AFF2: variants seen among roughly 807,000 people sequenced by gnomAD.
AFF2 encodes AF4/FMR2 family member 2.
Under a neutral mutation model 76.9 loss-of-function variants are expected in AFF2, and 14 were observed. The ratio of observed to expected loss-of-function variants is 0.18; its 90% CI spans 0.12 to 0.28. AFF2 has a LOEUF of 0.28. Among genes scored for constraint, AFF2 ranks in the 10% least tolerant of loss-of-function variants. The pLI, the probability that AFF2 is intolerant of heterozygous loss-of-function variation, is 1.00. For missense variants in AFF2, 868 were observed against 1,001.1 expected, an observed-to-expected ratio of 0.87 and a Z score of 1.79; for synonymous variants, 398 against 366.7, an observed-to-expected ratio of 1.09 and a Z score of -0.98.
chrX:148,994,989 T>C lies in AFF2; in HGVS notation c.*3657T>C, dbSNP rs971220407. On this transcript the variant is annotated 3_prime_UTR_variant, in exon 21 of 21. Coordinates refer to ENST00000370460, the MANE Select transcript of AFF2 (RefSeq NM_002025.4). ...GCTTAGAGAAGCATCACTATCCCCA[T>C]TGAGAAAAATGTGTGGCAAGATGAT... The C allele has an allele frequency of 4.5e-5, 5 of 111,824 alleles. No homozygotes were observed. Among genetic ancestry groups the C allele is most frequent in the Non-Finnish European group, 7.5e-5 (4 of 53,068 alleles). 9.2% of individuals were successfully genotyped at this position (111,824 alleles called of 1,213,427 possible). A position where few individuals can be genotyped will look rare whatever the true frequency, so the allele number is the denominator to read the frequency against.
intron 3 of AFF2, among the ~76,000 whole-genome samples, chrX:148,695,547 T>C (rs2054711707): frequency 8.9e-6 from 1 of 112,309 alleles, no homozygotes; most frequent in East Asian, 2.8e-4. Context: ...TTAATTGGCA[T>C]TCATTAACGA....
chrX:148,581,589 CAT>C (rs1486549755), intron 1 of AFF2, among the ~76,000 whole-genome samples: 9 of 88,494 alleles, frequency 1.0e-4, no homozygotes, highest in Non-Finnish European at 1.6e-4. Context: ...CGTGTACACA[CAT>C]ATATACGTAT....
intron 7 of AFF2, among the ~76,000 whole-genome samples, chrX:148,844,646 T>C (rs2070642953): frequency 1.8e-5 from 2 of 111,498 alleles, no homozygotes; most frequent in Admixed American, 9.5e-5. Context: ...TTGAAGTGAA[T>C]TGCTCACCTT....
chrX:148,875,667 T>C (rs2071027926), intron 7 of AFF2, among the ~76,000 whole-genome samples: 1 of 112,034 alleles, frequency 8.9e-6, no homozygotes, highest in Admixed American at 9.5e-5. Flanking sequence ...GAGTTTGCAG[T>C]TACATATTCC....
chrX:148,800,263 T>A (rs1259986760), intron 3 of AFF2, among the ~76,000 whole-genome samples: 1 of 111,767 alleles, frequency 8.9e-6, no homozygotes. Flanking sequence ...ATTAAGACAA[T>A]CCTAAGTGCG....
chrX:148,643,443 G>C (rs1008848504), intron 1 of AFF2, among the ~76,000 whole-genome samples: 2 of 111,795 alleles, frequency 1.8e-5, no homozygotes, highest in African/African-American at 6.5e-5. Flanking sequence ...TTGAGTGTGG[G>C]GCACTTGTAA....
chrX:148,564,241 A>T (rs1557241254), intron 1 of AFF2, among the ~76,000 whole-genome samples: 1 of 111,250 alleles, frequency 9.0e-6, no homozygotes, highest in Non-Finnish European at 1.9e-5. Context: ...AATCCCAGAT[A>T]AGTTTTAAAT....
chrX:148,850,102 C>T (rs782733373), intron 7 of AFF2, among the ~76,000 whole-genome samples: 3 of 111,828 alleles, frequency 2.7e-5, no homozygotes, highest in Non-Finnish European at 3.8e-5. Flanking sequence ...AGAATATTCC[C>T]TTCAGTGAGG....
intron 20 of AFF2, among the ~76,000 whole-genome samples, chrX:148,988,908 C>T (rs893644594): frequency 8.9e-5 from 10 of 112,252 alleles, no homozygotes; most frequent in Middle Eastern, 4.6e-3. Flanking sequence ...TTAAGAAACT[C>T]ACCCATGTTA....
intron 18 of AFF2, among the ~76,000 whole-genome samples, chrX:148,980,429 A>G (rs2072377553): frequency 8.9e-6 from 1 of 112,205 alleles, no homozygotes; most frequent in Non-Finnish European, 1.9e-5. Context: ...TTGGCAGAAT[A>G]AATTTCAGAT....
intron 11 of AFF2, among the ~76,000 whole-genome samples, chrX:148,957,530 T>C (rs1351612997): frequency 5.4e-5 from 6 of 111,444 alleles, no homozygotes; most frequent in African/African-American, 2.0e-4. Context: ...AAATCCAAAA[T>C]CCAAAATGCT....
intron 3 of AFF2, among the ~76,000 whole-genome samples, chrX:148,769,866 C>T (rs1255537759): frequency 2.7e-5 from 3 of 111,643 alleles, no homozygotes; most frequent in East Asian, 2.8e-4. Flanking sequence ...CAAAGAAGTG[C>T]ATTTTGCAAA....
intron 1 of AFF2, among the ~76,000 whole-genome samples, chrX:148,649,388 T>G (rs2054180921): frequency 8.9e-6 from 1 of 112,312 alleles, no homozygotes; most frequent in South Asian, 3.7e-4. Context: ...CCTCACTGTG[T>G]GAAGCCTTCA....
At chrX:148,572,062 G>A (rs911161763) in intron 1 of AFF2, among the ~76,000 whole-genome samples, 4 of 104,683 alleles carry the variant, frequency 3.8e-5, no homozygotes, top group Non-Finnish European at 5.9e-5. Context: ...AAAAAAAACT[G>A]TTACAAAATA....
chrX:148,635,472 C>A (rs2054021524), intron 1 of AFF2, among the ~76,000 whole-genome samples: 2 of 111,883 alleles, frequency 1.8e-5, no homozygotes, highest in African/African-American at 6.5e-5. Flanking sequence ...ACTTCCAGAA[C>A]TGAAAGAGAA....
Position 148,557,111 on chromosome X carries a change from G to T in AFF2, c.47+55967G>T, listed in dbSNP as rs782379429. 5.4e-4 allele frequency among the ~76,000 whole-genome samples: 60 copies of T among 112,098 alleles called. 1 individual carries two copies. Among genetic ancestry groups the T allele is most frequent in the African/African-American group, 1.8e-3 (56 of 30,892 alleles). ...TCATGCATGGTTCATAACTGTAGCTGAAGGTAATTCCCTCAGAGCAGTTCT... is the reference window on the plus strand; with the variant it reads ...TCATGCATGGTTCATAACTGTAGCTTAAGGTAATTCCCTCAGAGCAGTTCT... On this transcript the variant is annotated intron_variant, in intron 1 of 20. Transcript: ENST00000370460.
chrX:148,615,008 T>C (rs1221059634), intron 1 of AFF2, among the ~76,000 whole-genome samples: 1 of 110,186 alleles, frequency 9.1e-6, no homozygotes, highest in Non-Finnish European at 1.9e-5. Flanking sequence ...CTTATTTCTT[T>C]AGTCCCAAAG....
At chrX:148,844,704 A>C (rs1350504996) in intron 7 of AFF2, among the ~76,000 whole-genome samples, 1 of 111,546 alleles carries the variant, frequency 9.0e-6, no homozygotes, top group African/African-American at 3.3e-5. Context: ...ATGACTCCCA[A>C]ATAGACTGAG....
chrX:148,949,318 A>AT (rs1401936819), intron 9 of AFF2, among the ~76,000 whole-genome samples: 1 of 110,399 alleles, frequency 9.1e-6, no homozygotes, highest in Non-Finnish European at 1.9e-5. Flanking sequence ...CTTAAAGCCC[A>AT]TTTTTTTCCC....
Sources: gnomAD v4.1 joint callset for allele counts (sites outside exome capture counted in the v4.1 genomes callset) on GRCh38, gnomAD v4.1.1 for gene constraint, MANE v1.5 for transcripts, NCBI Gene and HGNC (gene_info 2026-07-23, HGNC 2026-07-21) for gene names.